DPP10: variants seen among roughly 807,000 people sequenced by gnomAD.
DPP10 encodes the protein inactive dipeptidyl peptidase 10.
In DPP10, 33 loss-of-function variants were observed where a neutral mutation model predicts 120.9. The observed-to-expected ratio is 0.27, with a 90% CI of 0.21 to 0.37. The LOEUF is 0.37. Among genes scored for constraint, DPP10 ranks in the 10% least tolerant of loss-of-function variants. The probability of loss-of-function intolerance (pLI) is 1.00; values close to 1 mark genes in which losing one functional copy is unlikely to be tolerated. For synonymous variants in DPP10, 337 were observed against 326.1 expected (o/e 1.03, Z -0.36); for missense variants, 816 against 942.8 (o/e 0.87, Z 1.76).
intron 1 of DPP10, among the ~76,000 whole-genome samples, chr2:115,159,595 A>G (rs1053029150): frequency 1.3e-5 from 2 of 152,174 alleles, no homozygotes; most frequent in Non-Finnish European, 2.9e-5. Flanking sequence ...TTTACATGTG[A>G]TTAAGTTTTA....
At chr2:115,541,856 A>C (rs1575135243) in intron 5 of DPP10, among the ~76,000 whole-genome samples, 1 of 151,896 alleles carries the variant, frequency 6.6e-6, no homozygotes, top group Non-Finnish European at 1.5e-5. Flanking sequence ...ATTACGTAGC[A>C]TGTTACATGG....
chr2:114,769,190 G>A (rs561296138), intron 1 of DPP10, among the ~76,000 whole-genome samples: 6 of 152,250 alleles, frequency 3.9e-5, no homozygotes, highest in East Asian at 3.9e-4. Context: ...TGGTGTGGCC[G>A]ATAAAACCCA....
chr2:115,307,340 G>A (rs978824439), intron 1 of DPP10, among the ~76,000 whole-genome samples: 19 of 152,024 alleles, frequency 1.2e-4, no homozygotes, highest in African/African-American at 2.4e-5. Flanking sequence ...TGGAGTGACA[G>A]CATATCAAGA....
intron 1 of DPP10, among the ~76,000 whole-genome samples, chr2:114,902,558 T>C (rs1693665924): frequency 6.6e-6 from 1 of 152,216 alleles, no homozygotes; most frequent in Non-Finnish European, 1.5e-5. Flanking sequence ...ATTGACCTGT[T>C]ATTTTTATGT....
chr2:114,841,867 C>G (rs868500546), intron 1 of DPP10, among the ~76,000 whole-genome samples: 1 of 151,950 alleles, frequency 6.6e-6, no homozygotes, highest in African/African-American at 2.4e-5. Flanking sequence ...TGGAGACACC[C>G]GGCACTCATG....
At chr2:115,346,747 C>T (rs898734726) in intron 3 of DPP10, among the ~76,000 whole-genome samples, 2 of 152,032 alleles carry the variant, frequency 1.3e-5, no homozygotes, top group Non-Finnish European at 2.9e-5. Flanking sequence ...ACTCTGTGAT[C>T]GATGCTTTAT....
chr2:115,313,446 A>G (rs960007245), intron 2 of DPP10, among the ~76,000 whole-genome samples: 2 of 152,192 alleles, frequency 1.3e-5, no homozygotes, highest in East Asian at 1.9e-4. Context: ...TTTAGTGACA[A>G]ATATAGCAAC....
chr2:114,527,960 T>A (rs535800735), intron 1 of DPP10, among the ~76,000 whole-genome samples: 1 of 152,342 alleles, frequency 6.6e-6, no homozygotes, highest in South Asian at 2.1e-4. Flanking sequence ...TTTGATTTTG[T>A]CCAAAACGTC....
intron 1 of DPP10, among the ~76,000 whole-genome samples, chr2:115,178,440 A>G (rs758948252): frequency 2.4e-4 from 36 of 152,214 alleles, no homozygotes; most frequent in Non-Finnish European, 4.9e-4. Context: ...ACTTGCACAC[A>G]GTGTTCTAAT....
intron 2 of DPP10, among the ~76,000 whole-genome samples, chr2:115,334,535 T>C (rs1216102006): frequency 6.6e-6 from 1 of 151,868 alleles, no homozygotes; most frequent in African/African-American, 2.4e-5. Context: ...TCAACATAGT[T>C]AAATACACTT....
At chr2:114,473,304 A>G (rs1680089854) in intron 1 of DPP10, among the ~76,000 whole-genome samples, 1 of 152,212 alleles carries the variant, frequency 6.6e-6, no homozygotes, top group South Asian at 2.1e-4. Flanking sequence ...TCTATGATGA[A>G]TGAAACTCTA....
At chr2:114,652,099 G>T (rs1470068709) in intron 1 of DPP10, among the ~76,000 whole-genome samples, 2 of 152,074 alleles carry the variant, frequency 1.3e-5, no homozygotes, top group Non-Finnish European at 2.9e-5. Flanking sequence ...AGTGAAATGG[G>T]GCTTGAGAGC....
At chr2:115,563,469 G>C (rs544241247) in intron 5 of DPP10, among the ~76,000 whole-genome samples, 1 of 152,252 alleles carries the variant, frequency 6.6e-6, no homozygotes, top group African/African-American at 2.4e-5. Flanking sequence ...AAAATGGAAA[G>C]GCAAATAAAG....
chr2:114,926,599 C>T (rs1695640187), intron 1 of DPP10, among the ~76,000 whole-genome samples: 1 of 152,200 alleles, frequency 6.6e-6, no homozygotes, highest in South Asian at 2.1e-4. Flanking sequence ...TGTTCCCATA[C>T]TACAAAAGAG....
At chr2:114,662,432 G>A (rs1296033349) in intron 1 of DPP10, among the ~76,000 whole-genome samples, 1 of 152,200 alleles carries the variant, frequency 6.6e-6, no homozygotes, top group African/African-American at 2.4e-5. Context: ...GAGGGAGTCC[G>A]CGGAGCGGGA....
Position 115,556,253 on chromosome 2 carries a change from A to T in DPP10, c.441+30281A>T, listed in dbSNP as rs568394348. Among the ~76,000 whole-genome samples, 10 of 152,128 alleles carry T rather than the reference A, an allele frequency of 6.6e-5. No individual in the cohort carries two copies. The South Asian group carries it at 2.1e-3, about 32-fold the overall frequency. On this transcript the variant is annotated intron_variant, in intron 5 of 25. Coordinates refer to ENST00000410059, the MANE Select transcript of DPP10 (RefSeq NM_020868.6). Reference sequence around the variant, plus strand: ...ATGAAAGGAAAACCCCCTAGATCAAACTTGGTCAATCCATGGCCTCTGGGC... The same window carrying T: ...ATGAAAGGAAAACCCCCTAGATCAATCTTGGTCAATCCATGGCCTCTGGGC...
chr2:114,908,503 G>T (rs1694138289), intron 1 of DPP10, among the ~76,000 whole-genome samples: 1 of 151,828 alleles, frequency 6.6e-6, no homozygotes, highest in African/African-American at 2.4e-5. Flanking sequence ...TACCTTATGA[G>T]AATTAGCATC....
At chr2:115,096,738 C>T (rs962337301) in intron 1 of DPP10, among the ~76,000 whole-genome samples, 2 of 152,078 alleles carry the variant, frequency 1.3e-5, no homozygotes, top group Admixed American at 1.3e-4. Context: ...TTGAACCTTC[C>T]TAAGTTGGAA....
intron 1 of DPP10, among the ~76,000 whole-genome samples, chr2:115,234,270 T>C (rs1044637267): frequency 2.0e-5 from 3 of 152,180 alleles, no homozygotes; most frequent in Admixed American, 2.0e-4. Context: ...ACCTATTTTA[T>C]ATACCCTGCA....
Sources: gnomAD v4.1 joint callset for allele counts (sites outside exome capture counted in the v4.1 genomes callset) on GRCh38, gnomAD v4.1.1 for gene constraint, MANE v1.5 for transcripts, NCBI Gene and HGNC (gene_info 2026-07-23, HGNC 2026-07-21) for gene names.